The following RPS6KA4 variants were observed in gnomAD, a reference collection of about 807,000 sequenced individuals.
RPS6KA4 encodes the protein ribosomal protein S6 kinase A4, also known as ribosomal protein S6 kinase alpha-4.
Under a neutral mutation model 89.6 loss-of-function variants are expected in RPS6KA4, and 38 were observed. The ratio of observed to expected loss-of-function variants is 0.42; its 90% CI spans 0.33 to 0.56. RPS6KA4 has a LOEUF of 0.56. RPS6KA4 is among the 20% of genes least tolerant of loss of function. RPS6KA4 has a pLI of 0.07. For missense variants in RPS6KA4, 873 were observed against 1,098.8 expected (o/e 0.79, Z 2.90); for synonymous variants, 495 against 492.8 (o/e 1.00, Z -0.06).
chr11:64,369,801 C>A lies in RPS6KA4; in HGVS notation c.1705C>A (p.Pro569Thr), dbSNP rs1485494116. The change falls in exon 14 of 17, where the codon CCC becomes ACC. Residue 569 changes from proline (P) to threonine (T), a missense_variant. Coordinates refer to ENST00000334205, the MANE Select transcript of RPS6KA4 (RefSeq NM_003942.3). ...GAGTCCCGGGGTGCCCATGCAGACG[C>A]CCTGCTTCACGCTGCAGTACGCTGC... ...PQSPGVPMQTPCFTLQYAAPE... is the reference protein window; with the variant it reads ...PQSPGVPMQTTCFTLQYAAPE... The A allele has an allele frequency of 2.5e-6, 4 of 1,608,214 alleles. No homozygotes were observed. Among genetic ancestry groups the A allele is most frequent in the Non-Finnish European group, 8.5e-7 (1 of 1,178,094 alleles).
At chr11:64,359,878 C>T (rs1187487770) in intron 2 of RPS6KA4, 2 of 562,412 alleles carry the variant, frequency 3.6e-6, no homozygotes, top group Non-Finnish European at 6.3e-6. Flanking sequence ...TCTGATCTCT[C>T]GCAGGTTTGC....
At position 64,365,375 on chromosome 11, in the gene RPS6KA4, T is replaced by A; in HGVS notation, c.981T>A (p.Asp327Glu). ...PFRPQIRSEL[D>E]VGNFAEEFTR... ...GGCCCCAAATCCGCTCAGAGCTGGA[T>A]GTGGGCAACTTTGCGGAGGAATTCA... Residue 327 changes from aspartate (D) to glutamate (E), a missense_variant, in exon 9 of 17, where the codon GAT (aspartate) becomes GAA (glutamate). Coordinates refer to ENST00000334205, the MANE Select transcript of RPS6KA4 (RefSeq NM_003942.3). 6.2e-7 allele frequency: 1 copy of A among 1,614,126 alleles called. No individual in the cohort carries two copies. The highest frequency in any genetic ancestry group is 8.5e-7 in the Non-Finnish European group (1 of 1,180,014).
Position 64,370,656 on chromosome 11 carries a change from C to T in RPS6KA4, c.2051C>T (p.Pro684Leu), listed in dbSNP as rs764701644. The change falls in exon 16 of 17, where the codon CCG (proline) becomes CTG (leucine). Residue 684 changes from proline to leucine, a missense_variant. By Grantham distance (98) the Pro-to-Leu change is moderately conservative. This residue lies in a region of RPS6KA4 where 278 missense variants were observed against 284.8 expected (regional missense o/e 0.98). Transcript: ENST00000334205. The surrounding 1 kb of genome is among the most constrained non-coding windows in gnomAD (Gnocchi z 4.1). ...LQDGSARSSP[P>L]LRTPDVLESS... The stretch of plus-strand genomic sequence containing the variant: ...GACGGCAGCGCGCGCTCCTCGCCCC[C>T]GCTCCGGACGCCCGACGTGCTCGAG... 4 of 1,570,960 alleles carry T rather than the reference C, an allele frequency of 2.5e-6. No homozygotes were observed. Among genetic ancestry groups the T allele is most frequent in the African/African-American group, 1.3e-5 (1 of 74,492 alleles).
chr11:64,361,951 G>T lies in RPS6KA4; in HGVS notation c.855G>T (p.Leu285Phe). 1 of 1,610,192 alleles carries T rather than the reference G, an allele frequency of 6.2e-7. No individual in the cohort carries two copies. ...TTTGTAAGGATCCTAAGAAGCGATTGGGCGCGGGGCCCCAGGGGGCACAAG... is the reference window on the plus strand; with the variant it reads ...TTTGTAAGGATCCTAAGAAGCGATTTGGCGCGGGGCCCCAGGGGGCACAAG... Reference protein sequence around the residue: ...RLLCKDPKKRLGAGPQGAQEV... With the variant: ...RLLCKDPKKRFGAGPQGAQEV... Residue 285 changes from leucine to phenylalanine, a missense_variant, in exon 8 of 17, where the codon TTG (leucine) becomes TTT (phenylalanine). Leu to Phe is a conservative substitution (Grantham distance 22, BLOSUM62 0). Transcript: ENST00000334205. The surrounding 1 kb of genome is among the most constrained non-coding windows in gnomAD (Gnocchi z 4.7).
chr11:64,362,381 C>T (rs2036778215), intron 8 of RPS6KA4, among the ~76,000 whole-genome samples: 1 of 152,242 alleles, frequency 6.6e-6, no homozygotes, highest in African/African-American at 2.4e-5. Flanking sequence ...CGGAAACCCA[C>T]ACTTATGGCT....
At chr11:64,363,544 T>A (rs936422779) in intron 8 of RPS6KA4, among the ~76,000 whole-genome samples, 2 of 152,048 alleles carry the variant, frequency 1.3e-5, no homozygotes, top group Admixed American at 6.6e-5. Flanking sequence ...TTTCCCAGAG[T>A]GCAGTGGCAT....
intron 9 of RPS6KA4, among the ~76,000 whole-genome samples, 191 bp from the exon 10 acceptor site, chr11:64,367,941 C>T (rs1220451696): frequency 6.6e-6 from 1 of 152,148 alleles, no homozygotes; most frequent in South Asian, 2.1e-4. Flanking sequence ...ACAGACATGG[C>T]CCCAAGTGAT....
rs942206655 is a variant in RPS6KA4 at position 64,368,330 on chromosome 11, C to T, written c.1200+70C>T. 1.1e-5 allele frequency: 18 copies of T among 1,572,726 alleles called. No individual in the cohort carries two copies. The Admixed American group carries it at 2.3e-4, about 20-fold the overall frequency. On this transcript the variant is annotated intron_variant, in intron 10 of 16. Transcript: ENST00000334205. Reference sequence around the variant, plus strand: ...AGGCCTAGGCCCGGGGACTCTAGGCCTAGATCCAACTGGCGCCCGCAGCGT... The same window carrying T: ...AGGCCTAGGCCCGGGGACTCTAGGCTTAGATCCAACTGGCGCCCGCAGCGT...
rs56412745 is a variant in RPS6KA4, at chr11:64,361,728, G to T, written c.738G>T (p.Thr246=). 8 of 1,606,688 alleles carry T rather than the reference G, an allele frequency of 5.0e-6. No individual in the cohort carries two copies. Among genetic ancestry groups the T allele is most frequent in the South Asian group, 1.1e-5 (1 of 90,800 alleles). ...SPFTLEGERN[T]QAEVSRRILK... ...TCACCCTGGAGGGCGAGAGGAACAC[G>T]CAGGCTGAGGTGTCTCGGTGAGTAG... The change falls in exon 7 of 17, where the codon ACG becomes ACT. Residue 246 remains threonine (T), a synonymous_variant. Coordinates refer to ENST00000334205, the MANE Select transcript of RPS6KA4 (RefSeq NM_003942.3). This position sits in a 1 kb window ranked among gnomAD's most constrained non-coding sequence, Gnocchi z 4.7.
At position 64,368,082 on chromosome 11, in the gene RPS6KA4, C is replaced by T. The variant is rs374877418; in HGVS notation, c.1072-50C>T. ...TTCCCCACCAGAGTCTCCTCACCCG[C>T]ACCCCCAACCCCCATGCCCATGCCC... is the stretch of plus-strand genomic sequence containing the variant. On this transcript the variant is annotated intron_variant, in intron 9 of 16. Coordinates refer to ENST00000334205, the MANE Select transcript of RPS6KA4 (RefSeq NM_003942.3). 100 of 1,598,688 alleles carry T rather than the reference C, an allele frequency of 6.3e-5. No individual in the cohort carries two copies. The African/African-American group carries it at 1.0e-3, about 16-fold the overall frequency.
Position 64,370,436 on chromosome 11 carries a change from G to A in RPS6KA4, c.1957+52G>A. ...GGTTGGGGAGGGGGACGCTGGGACA[G>A]GGATGGTCACTGGGCCAGGTGTCCT... On this transcript the variant is annotated intron_variant, in intron 15 of 16. Coordinates refer to ENST00000334205, the MANE Select transcript of RPS6KA4 (RefSeq NM_003942.3). The surrounding 1 kb of genome is among the most constrained non-coding windows in gnomAD (Gnocchi z 4.1). 2 of 1,607,998 alleles carry A rather than the reference G, an allele frequency of 1.2e-6. No individual in the cohort carries two copies. The highest frequency in any genetic ancestry group is 1.1e-5 in the South Asian group (1 of 90,826).
chr11:64,360,384 G>A lies in RPS6KA4; in HGVS notation c.346+3G>A. 1 of 1,552,916 alleles carries A rather than the reference G, an allele frequency of 6.4e-7. No individual in the cohort carries two copies. The highest frequency in any genetic ancestry group is 8.7e-7 in the Non-Finnish European group (1 of 1,148,054). On this transcript the variant is annotated splice_donor_region_variant and intron_variant, in intron 3 of 16. Coordinates refer to ENST00000334205, the MANE Select transcript of RPS6KA4 (RefSeq NM_003942.3). The stretch of plus-strand genomic sequence containing the variant: ...TGCCAAGCTGCACCTCATCCTGGGT[G>A]AGCGCACACCACATCCCAACGGGGT...
chr11:64,359,219 C>G lies in RPS6KA4; in HGVS notation c.-17C>G. The stretch of plus-strand genomic sequence containing the variant: ...GCCCGGAGCCCGAGCCGCGCGGGCC[C>G]CAGCGACCCGCCCGCCATGGGGGAC... On this transcript the variant is annotated 5_prime_UTR_variant, in exon 1 of 17. Transcript: ENST00000334205. 7.4e-7 allele frequency: 1 copy of G among 1,344,614 alleles called. No homozygotes were observed. The highest frequency in any genetic ancestry group is 9.6e-7 in the Non-Finnish European group (1 of 1,038,904). 83.3% of individuals were successfully genotyped at this position (1,344,614 alleles called of 1,614,324 possible).
At chr11:64,360,661 G>A (rs2036720830) in intron 4 of RPS6KA4, 69 bp downstream of exon 4, 1 of 1,366,708 alleles carries the variant, frequency 7.3e-7, no homozygotes, top group South Asian at 1.3e-5. Flanking sequence ...GAATCTGCAC[G>A]CAGGGCAGCC....
At position 64,370,634 on chromosome 11, in the gene RPS6KA4, G is replaced by T; in HGVS notation, c.2029G>T (p.Gly677Cys). ...GLRGSSWLQD[G>C]SARSSPPLRT... ...GCGGGGCAGCTCGTGGCTGCAGGAC[G>T]GCAGCGCGCGCTCCTCGCCCCCGCT... is the stretch of plus-strand genomic sequence containing the variant. The change falls in exon 16 of 17, where the codon GGC becomes TGC. Residue 677 changes from glycine (G) to cysteine (C), a missense_variant. Physicochemically the swap from Gly to Cys is radical, Grantham distance 159. Around this residue, in one of 4 missense-constraint regions of RPS6KA4, gnomAD observed 278 missense variants for 284.8 expected, o/e 0.98. Transcript: ENST00000334205. This position sits in a 1 kb window ranked among gnomAD's most constrained non-coding sequence, Gnocchi z 4.1. 2.0e-5 allele frequency: 32 copies of T among 1,575,622 alleles called. No homozygotes were observed. Among genetic ancestry groups the T allele is most frequent in the Non-Finnish European group, 2.7e-5 (31 of 1,167,986 alleles).
Position 64,361,714 on chromosome 11 carries a change from G to A in RPS6KA4, c.724G>A (p.Gly242Ser), listed in dbSNP as rs776498965. 4 of 1,610,414 alleles carry A rather than the reference G, an allele frequency of 2.5e-6. No homozygotes were observed. In the Admixed American group the frequency reaches 6.8e-5, roughly 27 times the overall value. The change falls in exon 7 of 17, where the codon GGC becomes AGC. Residue 242 changes from glycine (G) to serine (S), a missense_variant. By Grantham distance (56) the Gly-to-Ser change is moderately conservative. Around this residue, in one of 4 missense-constraint regions of RPS6KA4, gnomAD observed 542 missense variants for 736.4 expected, o/e 0.74. Coordinates refer to ENST00000334205, the MANE Select transcript of RPS6KA4 (RefSeq NM_003942.3). The surrounding 1 kb of genome is among the most constrained non-coding windows in gnomAD (Gnocchi z 4.7). ...LTGASPFTLE[G>S]ERNTQAEVSR... ...GGGGGCCTCGCCCTTCACCCTGGAG[G>A]GCGAGAGGAACACGCAGGCTGAGGT... is the stretch of plus-strand genomic sequence containing the variant.
intron 8 of RPS6KA4, among the ~76,000 whole-genome samples, chr11:64,363,435 G>A (rs1167424331): frequency 6.6e-6 from 1 of 152,138 alleles, no homozygotes; most frequent in Non-Finnish European, 1.5e-5. Context: ...ATACAGGAGA[G>A]GCCCCAAGGT....
In RPS6KA4 at chr11:64,368,129, C is replaced by G; in HGVS notation, c.1072-3C>G. 6.2e-7 allele frequency: 1 copy of G among 1,613,454 alleles called. No individual in the cohort carries two copies. Among genetic ancestry groups the G allele is most frequent in the Non-Finnish European group, 8.5e-7 (1 of 1,179,924 alleles). On this transcript the variant is annotated splice_polypyrimidine_tract_variant and splice_region_variant and intron_variant, in intron 9 of 16. Transcript: ENST00000334205. ...GCCCATTCCCCGGACTCCCGCCCTGCAGGGATACTCCTTTGTGGCACCCTC... is the reference window on the plus strand; with the variant it reads ...GCCCATTCCCCGGACTCCCGCCCTGGAGGGATACTCCTTTGTGGCACCCTC...
Position 64,360,378 on chromosome 11 carries a change from C to G in RPS6KA4, c.343C>G (p.Leu115Val), listed in dbSNP as rs1346923383. 1.9e-6 allele frequency: 3 copies of G among 1,551,072 alleles called. No individual in the cohort carries two copies. Among genetic ancestry groups the G allele is most frequent in the Non-Finnish European group, 2.6e-6 (3 of 1,147,020 alleles). ...GACGGATGCCAAGCTGCACCTCATC[C>G]TGGGTGAGCGCACACCACATCCCAA... ...FQTDAKLHLI[L>V]DYVSGGEMFT... The change falls in exon 3 of 17, where the codon CTG becomes GTG. Residue 115 changes from leucine (L) to valine (V), a missense_variant. Transcript: ENST00000334205.
Sources: gnomAD v4.1 joint callset for allele counts (sites outside exome capture counted in the v4.1 genomes callset) on GRCh38, gnomAD v4.1.1 for gene constraint, gnomAD v4.1.1 regional missense constraint, Gnocchi (gnomAD v3.1) non-coding constraint, MANE v1.5 for transcripts, NCBI Gene and HGNC (gene_info 2026-07-23, HGNC 2026-07-21) for gene names.